Variants in NLGN1 observed in about 807,000 individuals in gnomAD.
NLGN1 encodes the protein neuroligin-1.
NLGN1 carries 12 observed loss-of-function variants against 65.5 expected under a neutral mutation model. That is an observed-to-expected ratio of 0.18 (90% confidence interval 0.12 to 0.30). The LOEUF (loss-of-function observed/expected upper bound fraction) is 0.30. NLGN1 is among the 10% of genes least tolerant of loss of function. The pLI is 1.00. For missense variants in NLGN1, 750 were observed against 1,007.1 expected (o/e 0.74, Z 3.46); for synonymous variants, 350 against 359.5 (o/e 0.97, Z 0.30).
At chr3:174,164,151 G>A (rs185301505) in intron 4 of NLGN1, among the ~76,000 whole-genome samples, 1 of 152,074 alleles carries the variant, frequency 6.6e-6, no homozygotes, top group Admixed American at 6.6e-5. Context: ...GTGAGGTAGT[G>A]TCTTATTGTC....
At chr3:173,409,206 T>A (rs1441037308) in intron 1 of NLGN1, among the ~76,000 whole-genome samples, 1 of 152,158 alleles carries the variant, frequency 6.6e-6, no homozygotes, top group Non-Finnish European at 1.5e-5. Flanking sequence ...TCTTTAACAT[T>A]GCAATATCTT....
At position 174,051,866 on chromosome 3, in the gene NLGN1, C is replaced by T. The variant is rs180674290; in HGVS notation, c.647-223449C>T. Among the ~76,000 whole-genome samples the T allele has an allele frequency of 2.1e-4, 32 of 152,012 alleles. No individual in the cohort carries two copies. The East Asian group carries it at 2.5e-3, about 12-fold the overall frequency. On this transcript the variant is annotated intron_variant, in intron 4 of 6. Coordinates refer to ENST00000457714, the Ensembl canonical transcript of NLGN1. ...CTCATATGCCTTTGCTCTAATTTTCCGTTTGTCTGAATAAAGATGTAACAC... is the reference window on the plus strand; with the variant it reads ...CTCATATGCCTTTGCTCTAATTTTCTGTTTGTCTGAATAAAGATGTAACAC...
chr3:173,913,987 G>T (rs1740202013), intron 4 of NLGN1, among the ~76,000 whole-genome samples: 1 of 152,150 alleles, frequency 6.6e-6, no homozygotes, highest in Non-Finnish European at 1.5e-5. Flanking sequence ...ACAAGGAAAT[G>T]ACATCTAAAC....
chr3:174,209,873 CA>C (rs542456364), intron 4 of NLGN1, among the ~76,000 whole-genome samples: 3 of 151,994 alleles, frequency 2.0e-5, no homozygotes, highest in African/African-American at 7.2e-5. Context: ...CCTCGTGATC[CA>C]CCCGTCTCGG....
chr3:173,756,077 A>C (rs1170696302), intron 3 of NLGN1, among the ~76,000 whole-genome samples: 1 of 152,074 alleles, frequency 6.6e-6, no homozygotes, highest in Non-Finnish European at 1.5e-5. Flanking sequence ...GAGAAGTCTT[A>C]AATTTCATTC....
At chr3:173,801,137 A>G (rs1286081007) in intron 3 of NLGN1, among the ~76,000 whole-genome samples, 6 of 151,968 alleles carry the variant, frequency 3.9e-5, no homozygotes, top group Non-Finnish European at 5.9e-5. Context: ...GCAATAGAAT[A>G]TTTTCTACTT....
chr3:174,186,089 T>C (rs1220252297), intron 4 of NLGN1, among the ~76,000 whole-genome samples: 1 of 151,956 alleles, frequency 6.6e-6, no homozygotes, highest in Admixed American at 6.6e-5. Context: ...ACTAGCAGAG[T>C]TGATGTTCAG....
intron 4 of NLGN1, among the ~76,000 whole-genome samples, chr3:173,927,590 G>A (rs2152277662): frequency 6.6e-6 from 1 of 152,188 alleles, no homozygotes; most frequent in African/African-American, 2.4e-5. Flanking sequence ...AAGTGTAAGA[G>A]GAAGATGGGG....
chr3:173,708,186 A>C (rs887537497), intron 3 of NLGN1, among the ~76,000 whole-genome samples: 7 of 152,216 alleles, frequency 4.6e-5, no homozygotes, highest in African/African-American at 1.7e-4. Flanking sequence ...TAAAATAGCT[A>C]CAAACTGCCA....
intron 4 of NLGN1, among the ~76,000 whole-genome samples, chr3:174,022,740 A>T (rs1728000496): frequency 6.6e-6 from 1 of 151,982 alleles, no homozygotes; most frequent in African/African-American, 2.4e-5. Flanking sequence ...CGTTTGATGC[A>T]GGGGGTATCT....
intron 2 of NLGN1, among the ~76,000 whole-genome samples, chr3:173,533,659 A>T (rs945931791): frequency 2.6e-5 from 4 of 152,138 alleles, no homozygotes; most frequent in Non-Finnish European, 4.4e-5. Flanking sequence ...CTTAAGATAC[A>T]ATTACGTATA....
intron 3 of NLGN1, among the ~76,000 whole-genome samples, chr3:173,755,496 T>A (rs1387003): frequency 0.7 from 106,560 of 151,936 alleles, 38,510 homozygotes; most frequent in East Asian, 0.93. Flanking sequence ...TGTTGTAGGT[T>A]CTTTGGGAGC....
At chr3:174,278,946 G>A in exon 6 of NLGN1, 2 of 1,539,788 alleles carry the variant, frequency 1.3e-6, no homozygotes, top group Non-Finnish European at 1.7e-6. Flanking sequence ...ATGCTAGAAT[G>A]TTGGCCACAA....
intron 2 of NLGN1, among the ~76,000 whole-genome samples, chr3:173,597,497 A>G (rs1384704642): frequency 1.3e-5 from 2 of 152,170 alleles, no homozygotes; most frequent in Non-Finnish European, 2.9e-5. Flanking sequence ...TGAACGTGGA[A>G]TTAAGATTCT....
intron 3 of NLGN1, among the ~76,000 whole-genome samples, chr3:173,638,917 A>T (rs190635460): frequency 7.9e-5 from 12 of 152,308 alleles, no homozygotes; most frequent in Non-Finnish European, 1.5e-4. Flanking sequence ...AAGGTAGTGA[A>T]TAAATAAAGG....
chr3:173,839,092 CT>C (rs11376148), intron 4 of NLGN1, among the ~76,000 whole-genome samples: 158 of 135,986 alleles, frequency 1.2e-3, no homozygotes, highest in Middle Eastern at 7.9e-3. Context: ...AATTGGATGA[CT>C]TTTTTTTTTT....
intron 2 of NLGN1, among the ~76,000 whole-genome samples, chr3:173,599,675 C>T (rs977687972): frequency 3.9e-5 from 6 of 152,138 alleles, no homozygotes. Flanking sequence ...GGTGGCCTGA[C>T]TTCAAACAAC....
intron 2 of NLGN1, among the ~76,000 whole-genome samples, chr3:173,473,354 T>G (rs1725618690): frequency 6.6e-6 from 1 of 152,224 alleles, no homozygotes; most frequent in African/African-American, 2.4e-5. Context: ...AGACTTTATT[T>G]TCTCTATGCA....
intron 3 of NLGN1, among the ~76,000 whole-genome samples, chr3:173,783,561 A>G (rs1781499258): frequency 1.3e-5 from 2 of 152,208 alleles, no homozygotes; most frequent in Admixed American, 1.3e-4. Flanking sequence ...AAGTATGGAA[A>G]CATGTTCTAG....
Sources: allele counts gnomAD v4.1 joint callset (sites outside exome capture counted in the v4.1 genomes callset), GRCh38; gene constraint gnomAD v4.1.1; transcripts MANE v1.5; gene names NCBI Gene and HGNC (gene_info 2026-07-23, HGNC 2026-07-21).